Variants in DPH6 observed in about 807,000 individuals in gnomAD.
The protein encoded by DPH6 is diphthine--ammonia ligase.
Under a neutral mutation model 38.2 loss-of-function variants are expected in DPH6, and 33 were observed. The observed-to-expected ratio is 0.86, with a 90% confidence interval of 0.65 to 1.15. DPH6 has a LOEUF of 1.15. DPH6 is among the 50% of genes most tolerant of loss of function. The pLI, the probability that DPH6 is intolerant of heterozygous loss-of-function variation, is 0.00. For synonymous variants in DPH6, 108 were observed against 103.0 expected (o/e 1.05, Z -0.30); for missense variants, 325 against 320.0 (o/e 1.02, Z -0.12).
intron 3 of DPH6, among the ~76,000 whole-genome samples, chr15:35,248,097 T>C (rs1015111970): frequency 6.6e-6 from 1 of 152,198 alleles, no homozygotes; most frequent in African/African-American, 2.4e-5. Context: ...TAACTAAAAG[T>C]ATACGCTTTT....
intron 3 of DPH6, among the ~76,000 whole-genome samples, chr15:35,285,349 G>C (rs867709296): frequency 3.3e-5 from 5 of 152,200 alleles, no homozygotes; most frequent in African/African-American, 1.2e-4. Flanking sequence ...CCTAGTGGGA[G>C]GTAATTGAAA....
chr15:35,261,604 G>A lies in DPH6; in HGVS notation n.201-41022C>T, dbSNP rs139559039. ...TCCCAACACTTTGGGAGGCAGAGGC[G>A]GGAAGATCGCTTGAGCTCAGGAGTT... On this transcript the variant is annotated intron_variant and non_coding_transcript_variant, in intron 3 of 3. Transcript: ENST00000560386. 2.5e-3 allele frequency among the ~76,000 whole-genome samples: 380 copies of A among 152,208 alleles called. 3 individuals carry two copies. In the East Asian group the frequency reaches 0.055, roughly 22 times the overall value.
At chr15:35,288,956 C>T (rs2051961477) in intron 3 of DPH6, among the ~76,000 whole-genome samples, 2 of 151,886 alleles carry the variant, frequency 1.3e-5, no homozygotes, top group Admixed American at 1.3e-4. Flanking sequence ...CTACACATCA[C>T]CAAAAAAAGA....
In DPH6 at chr15:35,424,455, T is replaced by G. The variant is rs543576338; in HGVS notation, c.506-13559A>C. Among the ~76,000 whole-genome samples the G allele has an allele frequency of 2.0e-5, 3 of 151,466 alleles. No individual in the cohort carries two copies. The East Asian group carries it at 5.8e-4, about 29-fold the overall frequency. ...TTTATGTATTAGTTCTAACAGGATTTTTTTTTTTGTCAAGTCTTTTCAATA... is the reference window on the plus strand; with the variant it reads ...TTTATGTATTAGTTCTAACAGGATTGTTTTTTTTGTCAAGTCTTTTCAATA... On this transcript the variant is annotated intron_variant, in intron 5 of 8. Coordinates refer to ENST00000256538, the MANE Select transcript of DPH6 (RefSeq NM_080650.4).
intron 3 of DPH6, among the ~76,000 whole-genome samples, chr15:35,348,070 T>G (rs1210244470): frequency 6.6e-6 from 1 of 152,150 alleles, no homozygotes; most frequent in Admixed American, 6.6e-5. Context: ...AACATATAGT[T>G]TGCAAATACT....
intron 4 of DPH6, among the ~76,000 whole-genome samples, chr15:35,453,075 A>T (rs968426204): frequency 1.3e-5 from 2 of 152,200 alleles, no homozygotes; most frequent in African/African-American, 4.8e-5. Context: ...TACAACACAA[A>T]CTAAAATTTG....
Position 35,538,268 on chromosome 15 carries a change from G to A in DPH6, c.312+6C>T, listed in dbSNP as rs746772832. The A allele has an allele frequency of 5.3e-6, 8 of 1,518,616 alleles. No individual in the cohort carries two copies. The South Asian group carries it at 6.5e-5, about 12-fold the overall frequency. 94.1% of individuals were successfully genotyped at this position (1,518,616 alleles called of 1,614,324 possible). On this transcript the variant is annotated splice_donor_region_variant and intron_variant, in intron 3 of 8. Coordinates refer to ENST00000256538, the MANE Select transcript of DPH6 (RefSeq NM_080650.4). ...TCCAATATACTTAATTGGTTACTCT[G>A]CATACCTTAACAAGTTTCAAAAGCT...
At chr15:35,448,958 C>T (rs1489021241) in intron 5 of DPH6, among the ~76,000 whole-genome samples, 1 of 150,096 alleles carries the variant, frequency 6.7e-6, no homozygotes, top group Non-Finnish European at 1.5e-5. Flanking sequence ...TGATCCCTCT[C>T]CCCCACAGAA....
intron 3 of DPH6, among the ~76,000 whole-genome samples, chr15:35,470,920 G>A (rs1437513337): frequency 6.6e-6 from 1 of 152,072 alleles, no homozygotes; most frequent in East Asian, 1.9e-4. Flanking sequence ...TAGTATAGGA[G>A]ATGTAATTTG....
chr15:35,481,012 C>A (rs1021272968), intron 3 of DPH6, among the ~76,000 whole-genome samples: 3 of 151,768 alleles, frequency 2.0e-5, no homozygotes, highest in African/African-American at 7.3e-5. Flanking sequence ...TTTGATCAAA[C>A]TTCCAGATCT....
chr15:35,437,466 G>A (rs1001839963), intron 5 of DPH6, among the ~76,000 whole-genome samples: 7 of 152,322 alleles, frequency 4.6e-5, no homozygotes, highest in African/African-American at 1.4e-4. Context: ...AGGGAACCCC[G>A]GAGCCTGACA....
the DPH6 span, among the ~76,000 whole-genome samples, chr15:35,211,336 G>T: frequency 6.6e-6 from 1 of 152,128 alleles, no homozygotes; most frequent in Non-Finnish European, 1.5e-5. Flanking sequence ...AGAAATCTCA[G>T]TGCCTGAAGA....
intron 3 of DPH6, among the ~76,000 whole-genome samples, chr15:35,470,999 TA>T (rs1401296551): frequency 6.6e-6 from 1 of 152,166 alleles, no homozygotes; most frequent in African/African-American, 2.4e-5. Context: ...AGACCTGAGT[TA>T]AAAAGCTCAG....
At chr15:35,502,207 C>T (rs1054155969) in intron 3 of DPH6, among the ~76,000 whole-genome samples, 1 of 151,906 alleles carries the variant, frequency 6.6e-6, no homozygotes, top group African/African-American at 2.4e-5. Context: ...GGAATATGTA[C>T]ATTGTAAATG....
chr15:35,342,582 G>T (rs2140879726), intron 3 of DPH6, among the ~76,000 whole-genome samples: 1 of 152,346 alleles, frequency 6.6e-6, no homozygotes, highest in South Asian at 2.1e-4. Context: ...CTCTGATGGT[G>T]CCATGGACTG....
chr15:35,247,935 T>C (rs1383619611), intron 3 of DPH6, among the ~76,000 whole-genome samples: 1 of 152,236 alleles, frequency 6.6e-6, no homozygotes, highest in East Asian at 1.9e-4. Context: ...CCTGATTAAC[T>C]GTCTAACAAT....
At chr15:35,543,269 T>TATATATAC (rs1417252551) in intron 1 of DPH6, among the ~76,000 whole-genome samples, 1 of 13,654 alleles carries the variant, frequency 7.3e-5, no homozygotes, top group African/African-American at 1.2e-4. Flanking sequence ...AATATATATA[T>TATATATAC]ATATATATAT....
At chr15:35,305,688 C>T (rs1031729602) in intron 3 of DPH6, among the ~76,000 whole-genome samples, 2 of 152,086 alleles carry the variant, frequency 1.3e-5, no homozygotes, top group Non-Finnish European at 2.9e-5. Flanking sequence ...GAATTCTATA[C>T]ATATCTCTAA....
chr15:35,231,497 C>T (rs2051517243), intron 3 of DPH6, among the ~76,000 whole-genome samples: 1 of 152,160 alleles, frequency 6.6e-6, no homozygotes, highest in Admixed American at 6.5e-5. Flanking sequence ...ATTTTTGGTT[C>T]ATACAAAGGT....
Sources: gnomAD v4.1 joint callset for allele counts (sites outside exome capture counted in the v4.1 genomes callset) on GRCh38, gnomAD v4.1.1 for gene constraint, MANE v1.5 for transcripts, NCBI Gene and HGNC (gene_info 2026-07-23, HGNC 2026-07-21) for gene names.